GALNT5: variants seen among roughly 807,000 people sequenced by gnomAD.
The protein encoded by GALNT5 is UDP-GalNAc:polypeptide N-acetylgalactosaminyltransferase 5.
Under a neutral mutation model 85.4 loss-of-function variants are expected in GALNT5, and 72 were observed. The ratio of observed to expected loss-of-function variants is 0.84; its 90% CI spans 0.70 to 1.03. GALNT5 has a LOEUF of 1.03. GALNT5 is among the 50% of genes least tolerant of loss of function. The pLI, the probability that GALNT5 is intolerant of heterozygous loss-of-function variation, is 0.00. For synonymous variants in GALNT5, 404 were observed against 397.0 expected, an observed-to-expected ratio of 1.02 and a Z score of -0.21; for missense variants, 1,137 against 1,135.5, an observed-to-expected ratio of 1.00 and a Z score of -0.02.
At chr2:157,300,301 G>C (rs746138248) in intron 6 of GALNT5, among the ~76,000 whole-genome samples, 1 of 152,162 alleles carries the variant, frequency 6.6e-6, no homozygotes, top group Non-Finnish European at 1.5e-5. Flanking sequence ...TGTTCCACAA[G>C]CCTTTTGGTT....
At chr2:157,305,926 A>T (rs1189146164) in intron 8 of GALNT5, 97 bp downstream of exon 8, 3 of 703,994 alleles carry the variant, frequency 4.3e-6, no homozygotes, top group Non-Finnish European at 2.5e-6. Context: ...CCAACAGAAA[A>T]ATAATTTTCT....
chr2:157,307,334 G>C (rs1454639998), intron 8 of GALNT5, among the ~76,000 whole-genome samples: 3 of 152,142 alleles, frequency 2.0e-5, no homozygotes, highest in Non-Finnish European at 4.4e-5. Flanking sequence ...ATCCAAAAAG[G>C]CTCAGAAAGA....
chr2:157,317,197 TA>T lies in GALNT5; in HGVS notation c.*5850del, dbSNP rs201051058. On this transcript the variant is annotated 3_prime_UTR_variant, in exon 10 of 10. Transcript: ENST00000259056. ...GTGTATATATATATATATATATATA[TA>T]TTTTTTTTTTTGATGCTTTGATCTG... is the stretch of plus-strand genomic sequence containing the variant. Among the ~76,000 whole-genome samples the T allele has an allele frequency of 0.039, 5,224 of 132,458 alleles. 97 individuals are homozygous for T. Among genetic ancestry groups the T allele is most frequent in the Admixed American group, 0.073 (963 of 13,246 alleles). 86.9% of individuals were successfully genotyped at this position (132,458 alleles called of 152,430 possible).
chr2:157,259,688 C>T (rs1682296356), intron 1 of GALNT5, 152 bp downstream of exon 1: 1 of 552,276 alleles, frequency 1.8e-6, no homozygotes, highest in Non-Finnish European at 2.8e-6. Context: ...ATTTCACCAG[C>T]TACAGAGACA....
At chr2:157,304,841 G>A (rs1002303828) in intron 7 of GALNT5, among the ~76,000 whole-genome samples, 1 of 152,168 alleles carries the variant, frequency 6.6e-6, no homozygotes, top group Admixed American at 6.5e-5. Context: ...TGGCAATTCT[G>A]TGAGCATCCA....
At chr2:157,281,256 G>T (rs1034326073) in intron 1 of GALNT5, among the ~76,000 whole-genome samples, 6 of 152,124 alleles carry the variant, frequency 3.9e-5, no homozygotes, top group African/African-American at 1.4e-4. Flanking sequence ...GTACAGACTG[G>T]ATTTCACCAT....
At chr2:157,278,198 G>T (rs896402130) in intron 1 of GALNT5, among the ~76,000 whole-genome samples, 8 of 152,218 alleles carry the variant, frequency 5.3e-5, no homozygotes, top group African/African-American at 1.9e-4. Context: ...TCCACCATTA[G>T]TCTGATCGGC....
rs1683625833 is a variant in GALNT5 at position 157,313,597 on chromosome 2, T to C, written c.*2249T>C. The C allele has an allele frequency of 6.6e-6, 1 of 152,038 alleles. No homozygotes were observed. The highest frequency in any genetic ancestry group is 2.4e-5 in the African/African-American group (1 of 41,442). 9.4% of individuals were successfully genotyped at this position (152,038 alleles called of 1,614,324 possible). A position where few individuals can be genotyped will look rare whatever the true frequency, so the allele number is the denominator to read the frequency against. On this transcript the variant is annotated 3_prime_UTR_variant, in exon 10 of 10. Transcript: ENST00000259056. ...ATGTAACTAAAAAATGTTGAGAGGT[T>C]TTTTTCCCCCGGGTATATAGGCTCT...
At position 157,259,282 on chromosome 2, in the gene GALNT5, C is replaced by T. The variant is rs1259216135; in HGVS notation, c.1200C>T (p.Ala400=). 4 of 1,610,394 alleles carry T rather than the reference C, an allele frequency of 2.5e-6. No homozygotes were observed. The highest frequency in any genetic ancestry group is 3.4e-6 in the Non-Finnish European group (4 of 1,178,490). Residue 400 remains alanine, a synonymous_variant, in exon 1 of 10, where the codon GCC becomes GCT. Coordinates refer to ENST00000259056, the MANE Select transcript of GALNT5 (RefSeq NM_014568.3). Reference sequence around the variant, plus strand: ...CAAAAATCAACATAACTGCCAAAGCCCCCTCTACAGAATACAACCAGAGTC... The same window carrying T: ...CAAAAATCAACATAACTGCCAAAGCTCCCTCTACAGAATACAACCAGAGTC... The part of the protein sequence containing the change: ...EPAKINITAK[A]PSTEYNQSHI...
chr2:157,301,277 G>T (rs895794296), intron 7 of GALNT5, among the ~76,000 whole-genome samples: 1 of 152,188 alleles, frequency 6.6e-6, no homozygotes, highest in Admixed American at 6.5e-5. Context: ...AGTAGACTTG[G>T]TTCCTTCCTT....
At chr2:157,263,496 C>T (rs1682395019) in intron 1 of GALNT5, among the ~76,000 whole-genome samples, 1 of 152,166 alleles carries the variant, frequency 6.6e-6, no homozygotes, top group African/African-American at 2.4e-5. Context: ...ACACAGGCAT[C>T]CTAGTTACTG....
At chr2:157,268,330 T>C (rs1682504905) in intron 1 of GALNT5, among the ~76,000 whole-genome samples, 1 of 152,182 alleles carries the variant, frequency 6.6e-6, no homozygotes, top group African/African-American at 2.4e-5. Context: ...GACGCATCAC[T>C]TTCTGGGTCT....
At chr2:157,259,619 T>C in intron 1 of GALNT5, 83 bp downstream of exon 1, 1 of 1,031,430 alleles carries the variant, frequency 9.7e-7, no homozygotes, top group African/African-American at 1.6e-5. Flanking sequence ...GATAATTCTG[T>C]GTGATTTTTG....
intron 9 of GALNT5, among the ~76,000 whole-genome samples, chr2:157,309,665 G>A (rs1022655955): frequency 6.6e-6 from 1 of 152,152 alleles, no homozygotes; most frequent in Non-Finnish European, 1.5e-5. Context: ...AGGTGCCTCC[G>A]TTCCTTTTAA....
intron 1 of GALNT5, among the ~76,000 whole-genome samples, chr2:157,266,111 G>A (rs1238227106): frequency 2.0e-5 from 3 of 152,200 alleles, no homozygotes; most frequent in African/African-American, 7.2e-5. Context: ...TTCATTGCAC[G>A]TGATATTTGC....
chr2:157,291,727 G>A (rs6731090), intron 3 of GALNT5, among the ~76,000 whole-genome samples: 177 of 140,050 alleles, frequency 1.3e-3, no homozygotes, highest in African/African-American at 4.4e-3. Flanking sequence ...AATCCTAACA[G>A]GTAGCAATCA....
chr2:157,281,838 G>A (rs1173736633), intron 1 of GALNT5, among the ~76,000 whole-genome samples: 1 of 152,176 alleles, frequency 6.6e-6, no homozygotes, highest in Non-Finnish European at 1.5e-5. Flanking sequence ...AGCAGAACTT[G>A]CCAATGATGA....
Position 157,286,014 on chromosome 2 carries a change from G to C in GALNT5, c.1622-1G>C. The C allele has an allele frequency of 6.3e-7, 1 of 1,593,992 alleles. No individual in the cohort carries two copies. Reference sequence around the variant, plus strand: ...CCTGGTTTATCTTTACTCTGATGTAGACTATCTAAAAGATAATTTGGATAA... The same window carrying C: ...CCTGGTTTATCTTTACTCTGATGTACACTATCTAAAAGATAATTTGGATAA... On this transcript the variant is annotated splice_acceptor_variant, in intron 2 of 9. Coordinates refer to ENST00000259056, the MANE Select transcript of GALNT5 (RefSeq NM_014568.3). LOFTEE classifies it high-confidence loss of function.
chr2:157,292,308 C>T (rs1361128169), intron 3 of GALNT5, among the ~76,000 whole-genome samples: 1 of 152,190 alleles, frequency 6.6e-6, no homozygotes, highest in Admixed American at 6.5e-5. Flanking sequence ...AGAAATCCCA[C>T]CAAGAGTCAG....
Sources: allele counts gnomAD v4.1 joint callset (sites outside exome capture counted in the v4.1 genomes callset), GRCh38; gene constraint gnomAD v4.1.1; transcripts MANE v1.5; gene names NCBI Gene and HGNC (gene_info 2026-07-23, HGNC 2026-07-21).